CARS1: variants seen among roughly 807,000 people sequenced by gnomAD.
CARS1 encodes cysteinyl-tRNA synthetase 1, also known as cysteine--tRNA ligase, cytoplasmic.
CARS1 carries 48 observed loss-of-function variants against 106.2 expected under a neutral mutation model. The ratio of observed to expected loss-of-function variants is 0.45; its 90% CI spans 0.36 to 0.57. The LOEUF (loss-of-function observed/expected upper bound fraction) is 0.57, where lower values mean the gene tolerates loss of function less well. Ranked by LOEUF, CARS1 falls within the 20% of genes least tolerant of loss-of-function variation. The probability of loss-of-function intolerance (pLI) is 0.00; values close to 1 mark genes in which losing one functional copy is unlikely to be tolerated. For missense variants in CARS1, 968 were observed against 1,057.2 expected (o/e 0.92, Z 1.17); for synonymous variants, 409 against 403.4 (o/e 1.01, Z -0.17).
intron 7 of CARS1, among the ~76,000 whole-genome samples, chr11:3,032,205 A>G (rs1253383137): frequency 1.3e-5 from 2 of 151,732 alleles, no homozygotes; most frequent in Non-Finnish European, 2.9e-5. Context: ...CCCGAGTAGA[A>G]GGGATTACAG....
At chr11:3,033,971 A>G (rs1228397847) in intron 7 of CARS1, among the ~76,000 whole-genome samples, 1 of 152,166 alleles carries the variant, frequency 6.6e-6, no homozygotes, top group African/African-American at 2.4e-5. Context: ...TTGTAGAGAT[A>G]GAGTCTCACT....
intron 10 of CARS1, among the ~76,000 whole-genome samples, chr11:3,025,782 G>C (rs1852002199): frequency 6.6e-6 from 1 of 152,150 alleles, no homozygotes; most frequent in African/African-American, 2.4e-5. Context: ...ATTCTGCCTG[G>C]TCTAGAAAAA....
rs1422243221 is a variant in CARS1, at chr11:3,030,021, G to A, written c.802-578C>T. On this transcript the variant is annotated intron_variant, in intron 7 of 22. Transcript: ENST00000380525. This position sits in a 1 kb window ranked among gnomAD's most constrained non-coding sequence, Gnocchi z 5.7. ...ATGGCACCTATGTGAACCAGGTCCT[G>A]ACCACACACACTCTAGGCATGAGAC... The A allele has an allele frequency of 6.5e-6, 1 of 153,280 alleles. No homozygotes were observed. Among genetic ancestry groups the A allele is most frequent in the Non-Finnish European group, 1.5e-5 (1 of 68,916 alleles). The allele number at this position is 153,280 out of a possible 1,614,324, so 9.5% of individuals were successfully genotyped here.
chr11:3,003,333 A>G lies in CARS1; in HGVS notation c.2218-733T>C, dbSNP rs929118092. Reference sequence around the variant, plus strand: ...ACAGCCTAGGTTTCAGATGCTTCCCAGCCCAGTGGAGCTATCAGGTAGGCA... The same window carrying G: ...ACAGCCTAGGTTTCAGATGCTTCCCGGCCCAGTGGAGCTATCAGGTAGGCA... On this transcript the variant is annotated intron_variant, in intron 20 of 22. Coordinates refer to ENST00000380525, the MANE Select transcript of CARS1 (RefSeq NM_001014437.3). This position sits in a 1 kb window ranked among gnomAD's most constrained non-coding sequence, Gnocchi z 4.8. 6.6e-6 allele frequency among the ~76,000 whole-genome samples: 1 copy of G among 152,216 alleles called. No individual in the cohort carries two copies.
chr11:3,054,168 C>T (rs1373591482), intron 1 of CARS1, among the ~76,000 whole-genome samples: 1 of 152,196 alleles, frequency 6.6e-6, no homozygotes, highest in Non-Finnish European at 1.5e-5. Flanking sequence ...GCTTCCCCTC[C>T]CACTCCCCGT....
Position 3,050,728 on chromosome 11 carries a change from G to A in CARS1, c.26-2727C>T, listed in dbSNP as rs1215493607. Among the ~76,000 whole-genome samples, 1 of 152,142 alleles carries A rather than the reference G, an allele frequency of 6.6e-6. No homozygotes were observed. The stretch of plus-strand genomic sequence containing the variant: ...CTGCTGCTCTTTTTTTAGGGGGCAT[G>A]CTCCCCAGATACCAGCAGGCCCCTT... On this transcript the variant is annotated intron_variant, in intron 1 of 22. Transcript: ENST00000380525. This position sits in a 1 kb window ranked among gnomAD's most constrained non-coding sequence, Gnocchi z 6.3.
At chr11:3,047,536 C>T (rs1855224525) in intron 2 of CARS1, among the ~76,000 whole-genome samples, 1 of 152,198 alleles carries the variant, frequency 6.6e-6, no homozygotes, top group African/African-American at 2.4e-5. Flanking sequence ...TGTGAACATA[C>T]TGCTCCTGAA....
At position 3,030,963 on chromosome 11, in the gene CARS1, C is replaced by G. The variant is rs1318799869; in HGVS notation, c.802-1520G>C. The G allele has an allele frequency of 2.6e-5, 4 of 151,966 alleles. No individual in the cohort carries two copies. The highest frequency in any genetic ancestry group is 2.6e-4 in the Admixed American group (4 of 15,264). The allele number at this position is 151,966 out of a possible 1,614,324, so 9.4% of individuals were successfully genotyped here. Reference sequence around the variant, plus strand: ...GAAGTCATCCAAAATGAAACAGAGACAAGAAGGAAAATTTTATGAAAGACA... The same window carrying G: ...GAAGTCATCCAAAATGAAACAGAGAGAAGAAGGAAAATTTTATGAAAGACA... On this transcript the variant is annotated intron_variant, in intron 7 of 22. Coordinates refer to ENST00000380525, the MANE Select transcript of CARS1 (RefSeq NM_001014437.3). The surrounding 1 kb of genome is among the most constrained non-coding windows in gnomAD (Gnocchi z 5.7).
rs1849634354 is a variant in CARS1 at position 3,004,080 on chromosome 11, A to G, written c.2217+1286T>C. On this transcript the variant is annotated intron_variant, in intron 20 of 22. Coordinates refer to ENST00000380525, the MANE Select transcript of CARS1 (RefSeq NM_001014437.3). The surrounding 1 kb of genome is among the most constrained non-coding windows in gnomAD (Gnocchi z 5.2). ...GCGTCTGCACAGCCAGCACCAGGCC[A>G]CCTCACAGCACAGCACGGCAGGCGA... is the stretch of plus-strand genomic sequence containing the variant. 6.6e-6 allele frequency among the ~76,000 whole-genome samples: 1 copy of G among 152,146 alleles called. No individual in the cohort carries two copies. The highest frequency in any genetic ancestry group is 2.1e-4 in the South Asian group (1 of 4,834).
At chr11:3,033,108 A>C (rs1488844252) in intron 7 of CARS1, among the ~76,000 whole-genome samples, 1 of 151,920 alleles carries the variant, frequency 6.6e-6, no homozygotes, top group Non-Finnish European at 1.5e-5. Context: ...TCATCATCAG[A>C]GGGGGAGTTT....
chr11:3,039,403 G>C lies in CARS1; in HGVS notation c.553-111C>G, dbSNP rs2134250089. On this transcript the variant is annotated intron_variant, in intron 5 of 22. Transcript: ENST00000380525. This position sits in a 1 kb window ranked among gnomAD's most constrained non-coding sequence, Gnocchi z 5.6. ...CTCTAAGTGAGGGTGAGGGTGGTGG[G>C]AGACAACTGTGGGCCCCGGACGTGC... 2 of 691,936 alleles carry C rather than the reference G, an allele frequency of 2.9e-6. No individual in the cohort carries two copies. The highest frequency in any genetic ancestry group is 3.5e-4 in the Middle Eastern group (1 of 2,888). The allele number at this position is 691,936 out of a possible 1,614,324, so 42.9% of individuals were successfully genotyped here.
Position 3,053,153 on chromosome 11 carries a change from C to A in CARS1, c.25+4190G>T, listed in dbSNP as rs543331245. Among the ~76,000 whole-genome samples the A allele has an allele frequency of 2.6e-5, 4 of 152,382 alleles. No individual in the cohort carries two copies. The South Asian group carries it at 8.3e-4, about 32-fold the overall frequency. On this transcript the variant is annotated intron_variant, in intron 1 of 22. Transcript: ENST00000380525. This position sits in a 1 kb window ranked among gnomAD's most constrained non-coding sequence, Gnocchi z 6.6. The stretch of plus-strand genomic sequence containing the variant: ...TGAACAACAACCCTGACACGTCAAA[C>A]AACTGTGGCAGTGCGACCTCTCCCT...
At position 3,041,960 on chromosome 11, in the gene CARS1, T is replaced by A. The variant is rs1264863033; in HGVS notation, c.366+205A>T. ...TCCACATGAGGCATGATACTTCACG[T>A]GTCTGGGTTTCAGAGGACAGCTCTG... On this transcript the variant is annotated intron_variant, in intron 3 of 22. Coordinates refer to ENST00000380525, the MANE Select transcript of CARS1 (RefSeq NM_001014437.3). The surrounding 1 kb of genome is among the most constrained non-coding windows in gnomAD (Gnocchi z 4.9). Among the ~76,000 whole-genome samples, 1 of 152,168 alleles carries A rather than the reference T, an allele frequency of 6.6e-6. No homozygotes were observed. Among genetic ancestry groups the A allele is most frequent in the East Asian group, 1.9e-4 (1 of 5,194 alleles).
chr11:3,011,069 T>C (rs1474230178), intron 18 of CARS1, among the ~76,000 whole-genome samples: 1 of 152,340 alleles, frequency 6.6e-6, no homozygotes, highest in South Asian at 2.1e-4. Context: ...TGGAGGATCA[T>C]GGTGGTAAAT....
Position 3,046,622 on chromosome 11 carries a change from C to T in CARS1, c.274+1131G>A, listed in dbSNP as rs993840945. Among the ~76,000 whole-genome samples, 1 of 152,104 alleles carries T rather than the reference C, an allele frequency of 6.6e-6. No homozygotes were observed. Among genetic ancestry groups the T allele is most frequent in the African/African-American group, 2.4e-5 (1 of 41,440 alleles). On this transcript the variant is annotated intron_variant, in intron 2 of 22. Transcript: ENST00000380525. This position sits in a 1 kb window ranked among gnomAD's most constrained non-coding sequence, Gnocchi z 5.8. The stretch of plus-strand genomic sequence containing the variant: ...AGTGATCTAGCAGAGGCCTGACCCA[C>T]GGCAGAGGCGGGGGGGCATGTTCCC...
chr11:3,015,205 G>A (rs1392166346), intron 17 of CARS1, among the ~76,000 whole-genome samples: 2 of 152,214 alleles, frequency 1.3e-5, no homozygotes, highest in Non-Finnish European at 2.9e-5. Context: ...CTAGACAGGG[G>A]GCTCTACAGG....
At position 3,052,603 on chromosome 11, in the gene CARS1, C is replaced by T. The variant is rs1564798378; in HGVS notation, c.26-4602G>A. ...GGCTAGACGGCTCATCAAAAGGGAA[C>T]CAAGACCATGCTTGGGAAGGATCTT... On this transcript the variant is annotated intron_variant, in intron 1 of 22. Coordinates refer to ENST00000380525, the MANE Select transcript of CARS1 (RefSeq NM_001014437.3). The surrounding 1 kb of genome is among the most constrained non-coding windows in gnomAD (Gnocchi z 4.6). Among the ~76,000 whole-genome samples the T allele has an allele frequency of 6.6e-6, 1 of 152,150 alleles. No homozygotes were observed. The highest frequency in any genetic ancestry group is 1.5e-5 in the Non-Finnish European group (1 of 68,040).
chr11:3,006,047 T>C (rs986759822), intron 19 of CARS1, among the ~76,000 whole-genome samples: 8 of 152,204 alleles, frequency 5.3e-5, no homozygotes, highest in Non-Finnish European at 1.0e-4. Context: ...AAAGAAATGA[T>C]AAATGCTTGA....
At position 3,039,604 on chromosome 11, in the gene CARS1, G is replaced by A. The variant is rs902824011; in HGVS notation, c.552+231C>T. 2.0e-5 allele frequency among the ~76,000 whole-genome samples: 3 copies of A among 152,086 alleles called. No homozygotes were observed. Among genetic ancestry groups the A allele is most frequent in the African/African-American group, 7.2e-5 (3 of 41,398 alleles). ...GGCCTTCCTTCTGCAAAACACCCAG[G>A]GCTACCGACCCCTGAGCAACATGCA... On this transcript the variant is annotated intron_variant, in intron 5 of 22. Transcript: ENST00000380525. The surrounding 1 kb of genome is among the most constrained non-coding windows in gnomAD (Gnocchi z 5.6).
Sources: allele counts gnomAD v4.1 joint callset (sites outside exome capture counted in the v4.1 genomes callset), GRCh38; gene constraint gnomAD v4.1.1; non-coding constraint Gnocchi (gnomAD v3.1); transcripts MANE v1.5; gene names NCBI Gene and HGNC (gene_info 2026-07-23, HGNC 2026-07-21).